ZNF407: variants seen among roughly 807,000 people sequenced by gnomAD.
The protein encoded by ZNF407 is zinc finger protein 407.
ZNF407 carries 17 observed loss-of-function variants against 131.2 expected under a neutral mutation model. The ratio of observed to expected loss-of-function variants is 0.13; its 90% CI spans 0.09 to 0.19. The LOEUF (loss-of-function observed/expected upper bound fraction) is 0.19, where lower values mean the gene tolerates loss of function less well. Among genes scored for constraint, ZNF407 ranks in the 10% least tolerant of loss-of-function variants. The pLI is 1.00. For synonymous variants in ZNF407, 1,156 were observed against 1,062.0 expected (o/e 1.09, Z -1.72); for missense variants, 2,681 against 2,830.6 (o/e 0.95, Z 1.20).
intron 3 of ZNF407, among the ~76,000 whole-genome samples, chr18:74,745,893 C>A (rs1286847948): frequency 2.0e-5 from 3 of 152,126 alleles, no homozygotes; most frequent in Non-Finnish European, 4.4e-5. Flanking sequence ...TGTATAGCAG[C>A]CTGGGATTTC....
chr18:74,619,201 T>G (rs1298475426), intron 1 of ZNF407, among the ~76,000 whole-genome samples: 2 of 152,226 alleles, frequency 1.3e-5, no homozygotes, highest in East Asian at 3.8e-4. Flanking sequence ...TCCTTAATAT[T>G]GGAAAGATAT....
At chr18:74,919,439 C>T (rs752641629) in intron 7 of ZNF407, among the ~76,000 whole-genome samples, 13 of 152,174 alleles carry the variant, frequency 8.5e-5, no homozygotes, top group East Asian at 5.8e-4. Context: ...GGCTGACTAC[C>T]GTTTCCTGAT....
chr18:74,976,589 A>T (rs866897575), intron 8 of ZNF407, among the ~76,000 whole-genome samples: 1 of 152,248 alleles, frequency 6.6e-6, no homozygotes, highest in African/African-American at 2.4e-5. Flanking sequence ...GGCTGCCAAT[A>T]ACCCTTCACA....
At position 74,611,908 on chromosome 18, in the gene ZNF407, A is replaced by G. The variant is rs117060215; in HGVS notation, c.-54+13971A>G. ...ATATGAAAGGTATTACCCTAGAGAA[A>G]CTCATGCGCATGAGTGCCTGGAGAC... On this transcript the variant is annotated intron_variant, in intron 1 of 8. Coordinates refer to ENST00000299687, the MANE Select transcript of ZNF407 (RefSeq NM_017757.3). 3.2e-4 allele frequency among the ~76,000 whole-genome samples: 48 copies of G among 152,142 alleles called. 1 individual carries two copies. The East Asian group carries it at 8.5e-3, about 27-fold the overall frequency.
chr18:74,719,669 C>A (rs1170704544), intron 3 of ZNF407, among the ~76,000 whole-genome samples: 1 of 152,212 alleles, frequency 6.6e-6, no homozygotes, highest in Non-Finnish European at 1.5e-5. Flanking sequence ...TCCCAAAGTG[C>A]TGGGATTACG....
intron 4 of ZNF407, among the ~76,000 whole-genome samples, chr18:74,791,895 T>C (rs753610475): frequency 6.6e-6 from 1 of 152,216 alleles, no homozygotes; most frequent in Non-Finnish European, 1.5e-5. Flanking sequence ...AAAATCTTCA[T>C]TGAGAGTTTT....
chr18:75,045,964 TA>T (rs1432377756), intron 8 of ZNF407, among the ~76,000 whole-genome samples: 1 of 152,228 alleles, frequency 6.6e-6, no homozygotes, highest in Non-Finnish European at 1.5e-5. Context: ...TTTCCCATCT[TA>T]ATGCAACAGT....
chr18:74,951,259 G>A (rs1912483775), intron 8 of ZNF407, among the ~76,000 whole-genome samples: 1 of 152,156 alleles, frequency 6.6e-6, no homozygotes, highest in East Asian at 1.9e-4. Context: ...CTTGTAAACA[G>A]TGGAAATCCC....
At position 74,753,714 on chromosome 18, in the gene ZNF407, G is replaced by A. The variant is rs566195852; in HGVS notation, c.4803-27714G>A. On this transcript the variant is annotated intron_variant, in intron 3 of 8. Transcript: ENST00000299687. ...TCCCAGGGATGAAGCCAACTTGATCGTGGTGGATAGCTTTTTGATATGCTG... is the reference window on the plus strand; with the variant it reads ...TCCCAGGGATGAAGCCAACTTGATCATGGTGGATAGCTTTTTGATATGCTG... 1.8e-4 allele frequency among the ~76,000 whole-genome samples: 28 copies of A among 152,296 alleles called. No individual in the cohort carries two copies. The East Asian group carries it at 1.9e-3, about 10-fold the overall frequency.
chr18:75,031,486 CTT>C (rs1209374954), intron 8 of ZNF407, among the ~76,000 whole-genome samples: 1 of 152,052 alleles, frequency 6.6e-6, no homozygotes, highest in Non-Finnish European at 1.5e-5. Flanking sequence ...ATTAATTAGA[CTT>C]TTGTTTTGCT....
intron 3 of ZNF407, among the ~76,000 whole-genome samples, chr18:74,680,012 G>A (rs1030064531): frequency 6.6e-6 from 1 of 152,162 alleles, no homozygotes; most frequent in Non-Finnish European, 1.5e-5. Flanking sequence ...CGTGTACAAT[G>A]TAGTTGAGAA....
At chr18:74,949,500 G>A (rs1224200492) in intron 8 of ZNF407, among the ~76,000 whole-genome samples, 2 of 152,072 alleles carry the variant, frequency 1.3e-5, no homozygotes, top group African/African-American at 2.4e-5. Context: ...ATTTGTTCAC[G>A]TCTTTGAGAT....
intron 8 of ZNF407, among the ~76,000 whole-genome samples, chr18:75,058,977 T>C (rs1050752406): frequency 5.3e-5 from 8 of 152,214 alleles, no homozygotes; most frequent in African/African-American, 1.7e-4. Context: ...CTGACAGCAC[T>C]CGAAGTTATT....
intron 7 of ZNF407, among the ~76,000 whole-genome samples, chr18:74,912,822 C>T (rs563769074): frequency 3.9e-4 from 60 of 152,170 alleles, no homozygotes; most frequent in Admixed American, 9.2e-4. Flanking sequence ...CAACTTCTGT[C>T]CTAAAGAGCC....
At chr18:74,888,682 T>C (rs747468967) in intron 6 of ZNF407, among the ~76,000 whole-genome samples, 5 of 152,196 alleles carry the variant, frequency 3.3e-5, no homozygotes, top group Non-Finnish European at 7.4e-5. Flanking sequence ...TTAATTAAAA[T>C]TAAATATCCT....
At chr18:74,914,279 T>A (rs1309368621) in intron 7 of ZNF407, among the ~76,000 whole-genome samples, 1 of 152,166 alleles carries the variant, frequency 6.6e-6, no homozygotes, top group African/African-American at 2.4e-5. Flanking sequence ...ACACGTTCTG[T>A]CACGTGGAGC....
At chr18:74,800,974 T>C (rs1970010145) in intron 4 of ZNF407, among the ~76,000 whole-genome samples, 1 of 152,122 alleles carries the variant, frequency 6.6e-6, no homozygotes, top group Admixed American at 6.5e-5. Flanking sequence ...TTTTTTAAAC[T>C]CTATAAAATG....
chr18:74,764,492 A>G (rs745623966), intron 3 of ZNF407, among the ~76,000 whole-genome samples: 39 of 152,216 alleles, frequency 2.6e-4, no homozygotes, highest in Non-Finnish European at 4.7e-4. Context: ...TGTGGATTCT[A>G]CCAACTGCTG....
intron 4 of ZNF407, among the ~76,000 whole-genome samples, chr18:74,829,502 A>T (rs1191707513): frequency 6.6e-6 from 1 of 152,228 alleles, no homozygotes; most frequent in Non-Finnish European, 1.5e-5. Context: ...AGAGACTTTC[A>T]AAGCAATGTT....
Sources: allele counts gnomAD v4.1 joint callset (sites outside exome capture counted in the v4.1 genomes callset), GRCh38; gene constraint gnomAD v4.1.1; transcripts MANE v1.5; gene names NCBI Gene and HGNC (gene_info 2026-07-23, HGNC 2026-07-21).